ZMIZ1: variants seen among roughly 807,000 people sequenced by gnomAD.
ZMIZ1 encodes zinc finger MIZ-type containing 1.
In ZMIZ1, 17 loss-of-function variants were observed where a neutral mutation model predicts 113.9. The ratio of observed to expected loss-of-function variants is 0.15; its 90% CI spans 0.10 to 0.22. The LOEUF (loss-of-function observed/expected upper bound fraction) is 0.22. ZMIZ1 is among the 10% of genes least tolerant of loss of function. The pLI is 1.00. For missense variants in ZMIZ1, 1,059 were observed against 1,477.8 expected (o/e 0.72, Z 4.65); for synonymous variants, 607 against 603.1 (o/e 1.01, Z -0.09).
In ZMIZ1 at chr10:79,083,797, C is replaced by T. The variant is rs188959293; in HGVS notation, c.-337+14527C>T. ...CCCACTGGGAATGCCTGTCCACCTC[C>T]GTGAAACAGGCTGAGCTAGAGAACT... On this transcript the variant is annotated intron_variant, in intron 1 of 24. Transcript: ENST00000334512. Among the ~76,000 whole-genome samples, 163 of 152,282 alleles carry T rather than the reference C, an allele frequency of 1.1e-3. 1 individual carries two copies. The Middle Eastern group carries it at 0.024, about 22-fold the overall frequency.
intron 4 of ZMIZ1, among the ~76,000 whole-genome samples, chr10:79,165,895 G>A (rs1846306003): frequency 1.1e-5 from 1 of 88,890 alleles, no homozygotes; most frequent in South Asian, 3.1e-4. Flanking sequence ...GCCTGACTTG[G>A]CACTAGTCAT....
intron 1 of ZMIZ1, among the ~76,000 whole-genome samples, chr10:79,072,558 C>T (rs1257743777): frequency 6.6e-6 from 1 of 152,206 alleles, no homozygotes; most frequent in African/African-American, 2.4e-5. Context: ...CCCTGAGGGT[C>T]CAACGAGTGG....
Position 79,206,761 on chromosome 10 carries a change from A to C in ZMIZ1, c.61-1575A>C, listed in dbSNP as rs754983401. 2.0e-5 allele frequency among the ~76,000 whole-genome samples: 3 copies of C among 152,346 alleles called. No homozygotes were observed. The South Asian group carries it at 6.2e-4, about 32-fold the overall frequency. On this transcript the variant is annotated intron_variant, in intron 5 of 24. Transcript: ENST00000334512. ...CGCCAGGCACTTTGCCAGGGGCTGT[A>C]TAAGCCTCATCTTGTTTAAGCCTCA... is the stretch of plus-strand genomic sequence containing the variant.
At chr10:79,223,360 G>A (rs1247613875) in intron 7 of ZMIZ1, among the ~76,000 whole-genome samples, 1 of 152,200 alleles carries the variant, frequency 6.6e-6, no homozygotes, top group Non-Finnish European at 1.5e-5. Context: ...GGCAGGCTGG[G>A]GCACCTTTTC....
chr10:79,281,544 CTG>C (rs1852740021), intron 8 of ZMIZ1, among the ~76,000 whole-genome samples: 1 of 152,254 alleles, frequency 6.6e-6, no homozygotes, highest in Non-Finnish European at 1.5e-5. Flanking sequence ...CCTCAGCTCT[CTG>C]TAAGTCCAGC....
Position 79,312,853 on chromosome 10 carries a change from G to C in ZMIZ1, c.*104G>C, listed in dbSNP as rs1047836279. 4.6e-6 allele frequency: 5 copies of C among 1,093,844 alleles called. No individual in the cohort carries two copies. The highest frequency in any genetic ancestry group is 6.7e-6 in the Non-Finnish European group (5 of 742,274). The allele number at this position is 1,093,844 out of a possible 1,614,324, so 67.8% of individuals were successfully genotyped here. A position where few individuals can be genotyped will look rare whatever the true frequency, so the allele number is the denominator to read the frequency against. On this transcript the variant is annotated 3_prime_UTR_variant, in exon 25 of 25. Coordinates refer to ENST00000334512, the MANE Select transcript of ZMIZ1 (RefSeq NM_020338.4). ...TGTGCCCTCAGACCGCCCCGCACCA[G>C]AGCCACGGGCTGTGGGGCGGGGAGC...
intron 4 of ZMIZ1, among the ~76,000 whole-genome samples, chr10:79,163,028 C>T (rs942066372): frequency 2.6e-5 from 4 of 152,114 alleles, no homozygotes; most frequent in Admixed American, 2.0e-4. Context: ...GCCCTGTGCC[C>T]GAGGGTGACC....
intron 2 of ZMIZ1, among the ~76,000 whole-genome samples, chr10:79,126,056 C>G (rs528454966): frequency 6.6e-6 from 1 of 152,182 alleles, no homozygotes; most frequent in Non-Finnish European, 1.5e-5. Context: ...GAGAGCTGCA[C>G]GGGAACCCGC....
rs376155223 is a variant in ZMIZ1, at chr10:79,103,276, C to T, written c.-336-15639C>T. On this transcript the variant is annotated intron_variant, in intron 1 of 24. Coordinates refer to ENST00000334512, the MANE Select transcript of ZMIZ1 (RefSeq NM_020338.4). ...CGAGCAGAGCCAGCTGCACGGGGCT[C>T]GAGGGCCGTGGGGATGCCTGGGGTG... Among the ~76,000 whole-genome samples the T allele has an allele frequency of 1.6e-3, 243 of 151,216 alleles. 1 individual carries two copies. Among genetic ancestry groups the T allele is most frequent in the African/African-American group, 5.2e-3 (213 of 41,090 alleles).
At chr10:79,205,666 C>T (rs978345775) in intron 5 of ZMIZ1, among the ~76,000 whole-genome samples, 2 of 152,332 alleles carry the variant, frequency 1.3e-5, no homozygotes, top group Admixed American at 1.3e-4. Flanking sequence ...GTCTCCTGGG[C>T]TGCATGGCTC....
intron 7 of ZMIZ1, among the ~76,000 whole-genome samples, chr10:79,249,014 G>T (rs1200559216): frequency 1.3e-5 from 2 of 152,206 alleles, no homozygotes; most frequent in African/African-American, 4.8e-5. Flanking sequence ...CTGATGGGCA[G>T]CTTCACTGTG....
At chr10:79,100,384 T>A (rs144767550) in intron 1 of ZMIZ1, among the ~76,000 whole-genome samples, 1 of 149,616 alleles carries the variant, frequency 6.7e-6, no homozygotes, top group Non-Finnish European at 1.5e-5. Flanking sequence ...GGTGGGAGAA[T>A]TGCTAGAGCC....
rs556941661 is a variant in ZMIZ1, at chr10:79,193,872, CTG to C, written c.-49-7711_-49-7710del. ...CCCACGTTGGGGACAAGGGATGTGA[CTG>C]AGAGTAGTGAGGGCTAGGGGCCAGG... On this transcript the variant is annotated intron_variant, in intron 4 of 24. Transcript: ENST00000334512. Among the ~76,000 whole-genome samples, 784 of 152,294 alleles carry C rather than the reference CTG, an allele frequency of 5.1e-3. 5 individuals are homozygous for C. The highest frequency in any genetic ancestry group is 0.018 in the African/African-American group (728 of 41,558).
chr10:79,267,782 C>T (rs1283028494), intron 7 of ZMIZ1, among the ~76,000 whole-genome samples: 1 of 152,178 alleles, frequency 6.6e-6, no homozygotes, highest in Non-Finnish European at 1.5e-5. Context: ...GGGGCCCTTC[C>T]TTCACCTCAT....
chr10:79,265,566 T>A (rs1212985939), intron 7 of ZMIZ1, among the ~76,000 whole-genome samples: 1 of 149,924 alleles, frequency 6.7e-6, no homozygotes, highest in Admixed American at 6.7e-5. Flanking sequence ...CAGGAGGAGC[T>A]GAAACTCAGT....
chr10:79,102,576 G>A (rs1050525501), intron 1 of ZMIZ1, among the ~76,000 whole-genome samples: 2 of 152,212 alleles, frequency 1.3e-5, no homozygotes, highest in African/African-American at 4.8e-5. Flanking sequence ...CAGAAATATT[G>A]GAGCCACCCA....
In ZMIZ1 at chr10:79,296,647, T is replaced by C. The variant is rs1853913819; in HGVS notation, c.1407T>C (p.Tyr469=). 6.4e-7 allele frequency: 1 copy of C among 1,558,422 alleles called. No homozygotes were observed. Among genetic ancestry groups the C allele is most frequent in the Admixed American group, 1.9e-5 (1 of 53,406 alleles). The stretch of plus-strand genomic sequence containing the variant: ...CCCCCACGGTCAACATGGGGCAGTA[T>C]TACAAGGTGAGTCCCAGCCTCGCCA... ...YPPPTVNMGQ[Y]YKPEQFNGQN... The change falls in exon 13 of 25, where the codon TAT becomes TAC. Residue 469 remains tyrosine, a synonymous_variant. Coordinates refer to ENST00000334512, the MANE Select transcript of ZMIZ1 (RefSeq NM_020338.4). The surrounding 1 kb of genome is among the most constrained non-coding windows in gnomAD (Gnocchi z 4.1).
chr10:79,167,392 T>C (rs1260057523), intron 4 of ZMIZ1, among the ~76,000 whole-genome samples: 2 of 152,212 alleles, frequency 1.3e-5, no homozygotes, highest in African/African-American at 4.8e-5. Context: ...CTGTTTCATC[T>C]TGCAGGTGAA....
chr10:79,312,926 C>G lies in ZMIZ1; in HGVS notation c.*177C>G, dbSNP rs1855294607. On this transcript the variant is annotated 3_prime_UTR_variant, in exon 25 of 25. Transcript: ENST00000334512. Reference sequence around the variant, plus strand: ...AGAACAGAGGGGTAGGGAGGGTGCACCAGTGCACCAGGAAGGCTGTGTGGG... The same window carrying G: ...AGAACAGAGGGGTAGGGAGGGTGCAGCAGTGCACCAGGAAGGCTGTGTGGG... 11 of 609,342 alleles carry G rather than the reference C, an allele frequency of 1.8e-5. No individual in the cohort carries two copies. The East Asian group carries it at 1.9e-4, about 11-fold the overall frequency. The allele number at this position is 609,342 out of a possible 1,614,324, so 37.7% of individuals were successfully genotyped here.
Sources: gnomAD v4.1 joint callset for allele counts (sites outside exome capture counted in the v4.1 genomes callset) on GRCh38, gnomAD v4.1.1 for gene constraint, Gnocchi (gnomAD v3.1) non-coding constraint, MANE v1.5 for transcripts, NCBI Gene and HGNC (gene_info 2026-07-23, HGNC 2026-07-21) for gene names.